Variants in ANKRD30BL observed in about 807,000 individuals in gnomAD.
ANKRD30BL encodes the protein ankyrin repeat domain 30B like, also known as putative ankyrin repeat domain-containing protein 30B-like.
ANKRD30BL carries 20 observed loss-of-function variants against 18.4 expected under a neutral mutation model. The ratio of observed to expected loss-of-function variants is 1.09; its 90% confidence interval spans 0.77 to 1.58. The LOEUF is 1.58. Among genes scored for constraint, ANKRD30BL ranks in the 40% most tolerant of loss-of-function variants. ANKRD30BL has a pLI of 0.00. For missense variants in ANKRD30BL, 224 were observed against 268.6 expected, an observed-to-expected ratio of 0.83 and a Z score of 1.16; for synonymous variants, 72 against 100.9, an observed-to-expected ratio of 0.71 and a Z score of 1.72.
chr2:132,184,399 C>A (rs976563769), intron 1 of ANKRD30BL, among the ~76,000 whole-genome samples: 7 of 152,162 alleles, frequency 4.6e-5, no homozygotes, highest in African/African-American at 1.7e-4. Flanking sequence ...TGACTGAAGT[C>A]TTAACAAATA....
At chr2:132,211,192 G>A (rs1478924198) in intron 1 of ANKRD30BL, among the ~76,000 whole-genome samples, 9 of 151,294 alleles carry the variant, frequency 5.9e-5, no homozygotes, top group East Asian at 3.9e-4. Context: ...TATTTGAAGC[G>A]CTTTGAGGCC....
chr2:132,243,547 T>C (rs1052852328), intron 1 of ANKRD30BL, among the ~76,000 whole-genome samples: 6 of 151,342 alleles, frequency 4.0e-5, no homozygotes, highest in African/African-American at 1.4e-4. Flanking sequence ...GAGGATTTCA[T>C]TGGAAACAGG....
At chr2:132,151,714 A>T (rs1334093650) in intron 4 of ANKRD30BL, among the ~76,000 whole-genome samples, 1 of 152,006 alleles carries the variant, frequency 6.6e-6, no homozygotes, top group Non-Finnish European at 1.5e-5. Context: ...TAGATGTTCT[A>T]TTCTTTGTGG....
At chr2:132,232,528 C>A (rs990367641) in intron 1 of ANKRD30BL, among the ~76,000 whole-genome samples, 1 of 151,778 alleles carries the variant, frequency 6.6e-6, no homozygotes, top group Non-Finnish European at 1.5e-5. Flanking sequence ...TCGAGAACTA[C>A]GTGAAGAATG....
intron 1 of ANKRD30BL, among the ~76,000 whole-genome samples, chr2:132,175,674 C>G (rs761432864): frequency 1.6e-4 from 25 of 152,228 alleles, no homozygotes; most frequent in Non-Finnish European, 3.4e-4. Flanking sequence ...TGTGGAGAAT[C>G]CTTGGACAAT....
intron 1 of ANKRD30BL, among the ~76,000 whole-genome samples, chr2:132,228,137 G>A (rs1679896347): frequency 6.6e-6 from 1 of 152,092 alleles, no homozygotes; most frequent in South Asian, 2.1e-4. Flanking sequence ...TTTGTGATGT[G>A]TGCACTGATC....
intron 1 of ANKRD30BL, among the ~76,000 whole-genome samples, chr2:132,230,162 C>G (rs537597519): frequency 3.5e-4 from 53 of 151,320 alleles, no homozygotes; most frequent in African/African-American, 1.3e-3. Context: ...GAAGCATTCT[C>G]AGAAACTTCT....
At chr2:132,228,724 C>T (rs60897230) in intron 1 of ANKRD30BL, among the ~76,000 whole-genome samples, 3 of 128,148 alleles carry the variant, frequency 2.3e-5, no homozygotes, top group African/African-American at 1.2e-4. Flanking sequence ...AATCTGCAAG[C>T]GGACATTTGG....
intron 1 of ANKRD30BL, among the ~76,000 whole-genome samples, chr2:132,167,283 TTATTTTATTTTA>T (rs1688204847): frequency 1.6e-5 from 1 of 63,672 alleles, no homozygotes; most frequent in Admixed American, 1.3e-4. Flanking sequence ...TATTTTTATT[TTATTTTATTTTA>T]TTTTATTTTA....
chr2:132,208,268 C>T (rs1290733823), intron 1 of ANKRD30BL, among the ~76,000 whole-genome samples: 1 of 152,090 alleles, frequency 6.6e-6, no homozygotes, highest in East Asian at 1.9e-4. Context: ...TTTTATGTTG[C>T]CTCTAACATT....
At chr2:132,152,932 G>C (rs1221860265) in intron 4 of ANKRD30BL, among the ~76,000 whole-genome samples, 1 of 152,146 alleles carries the variant, frequency 6.6e-6, no homozygotes, top group Non-Finnish European at 1.5e-5. Context: ...CCAGAGTGGG[G>C]TGCTGGTACT....
At position 132,175,481 on chromosome 2, in the gene ANKRD30BL, C is replaced by T. The variant is rs1054295892; in HGVS notation, n.442-18335G>A. On this transcript the variant is annotated intron_variant and non_coding_transcript_variant, in intron 1 of 4. Transcript: ENST00000470729. ...TCTCAGAATTGAACAAATGTAAAAT[C>T]GGGTATTATACTGAGACATTCAGTT... Among the ~76,000 whole-genome samples, 24 of 152,322 alleles carry T rather than the reference C, an allele frequency of 1.6e-4. 1 individual carries two copies. The highest frequency in any genetic ancestry group is 4.6e-4 in the Admixed American group (7 of 15,300).
chr2:132,230,907 A>C (rs1390929476), intron 1 of ANKRD30BL, among the ~76,000 whole-genome samples: 1 of 151,916 alleles, frequency 6.6e-6, no homozygotes, highest in Non-Finnish European at 1.5e-5. Context: ...TTGATAGAGC[A>C]GTTTTGAAAC....
At chr2:132,166,697 T>G (rs1450453131), upstream of ANKRD30BL, among the ~76,000 whole-genome samples, 2 of 152,200 alleles carry the variant, frequency 1.3e-5, no homozygotes, top group African/African-American at 4.8e-5. Flanking sequence ...CTCTCTTTTT[T>G]TCTTTATTAG....
chr2:132,184,139 C>T (rs1394205782), intron 1 of ANKRD30BL, among the ~76,000 whole-genome samples: 9 of 151,918 alleles, frequency 5.9e-5, no homozygotes. Flanking sequence ...GTGATATGAT[C>T]TTGGCTCACT....
chr2:132,220,280 G>T (rs947234994), intron 1 of ANKRD30BL, among the ~76,000 whole-genome samples: 1 of 145,478 alleles, frequency 6.9e-6, no homozygotes, highest in East Asian at 2.1e-4. Flanking sequence ...ACTGTTTTTG[G>T]CCTCTCCCTC....
intron 1 of ANKRD30BL, among the ~76,000 whole-genome samples, chr2:132,220,935 G>A (rs1003611693): frequency 4.0e-5 from 6 of 151,504 alleles, no homozygotes; most frequent in Non-Finnish European, 7.4e-5. Context: ...CTTCCCGGCC[G>A]CCATCCCATC....
intron 1 of ANKRD30BL, among the ~76,000 whole-genome samples, chr2:132,209,243 G>A (rs1679276541): frequency 6.6e-6 from 1 of 152,018 alleles, no homozygotes; most frequent in African/African-American, 2.4e-5. Context: ...TCAACTCACA[G>A]AGTTGAAATA....
intron 1 of ANKRD30BL, among the ~76,000 whole-genome samples, chr2:132,256,407 T>C (rs114814314): frequency 3.4e-4 from 51 of 152,102 alleles, no homozygotes; most frequent in Non-Finnish European, 5.9e-4. Flanking sequence ...TTCGTGCCCA[T>C]GTGCGAGGAG....
Sources: gnomAD v4.1 joint callset for allele counts (sites outside exome capture counted in the v4.1 genomes callset) on GRCh38, gnomAD v4.1.1 for gene constraint, MANE v1.5 for transcripts, NCBI Gene and HGNC (gene_info 2026-07-23, HGNC 2026-07-21) for gene names.